CCDC18: variants seen among roughly 807,000 people sequenced by gnomAD.
CCDC18 encodes coiled-coil domain-containing protein 18.
Under a neutral mutation model 196.0 loss-of-function variants are expected in CCDC18, and 157 were observed. The observed-to-expected ratio is 0.80, with a 90% CI of 0.70 to 0.91. CCDC18 has a LOEUF of 0.91. Ranked by LOEUF, CCDC18 falls within the 40% of genes least tolerant of loss-of-function variation. The pLI, the probability that CCDC18 is intolerant of heterozygous loss-of-function variation, is 0.00. For missense variants in CCDC18, 1,465 were observed against 1,611.6 expected (o/e 0.91, Z 1.56); for synonymous variants, 482 against 529.2 (o/e 0.91, Z 1.22).
Position 93,253,838 on chromosome 1 carries a change from G to GC in CCDC18, c.3199-631dup, listed in dbSNP as rs533962194. 1.3e-3 allele frequency among the ~76,000 whole-genome samples: 199 copies of GC among 152,274 alleles called. 2 individuals are homozygous for GC. Among genetic ancestry groups the GC allele is most frequent in the African/African-American group, 4.6e-3 (192 of 41,566 alleles). ...ACCCAGAAGCAAGCTTGGCATATCA[G>GC]CCACCTGGGTTTCTGTCTGTGCTCT... On this transcript the variant is annotated intron_variant, in intron 23 of 28. Transcript: ENST00000690025.
At chr1:93,258,146 C>T (rs1663278583) in intron 25 of CCDC18, among the ~76,000 whole-genome samples, 1 of 151,016 alleles carries the variant, frequency 6.6e-6, no homozygotes, top group African/African-American at 2.4e-5. Context: ...TGTAAGTGAA[C>T]CATGTTATAT....
intron 27 of CCDC18, among the ~76,000 whole-genome samples, chr1:93,269,164 A>G (rs1230061021): frequency 6.6e-6 from 1 of 151,706 alleles, no homozygotes; most frequent in Non-Finnish European, 1.5e-5. Context: ...TCCTGAGCAA[A>G]CTATTGCAAG....
intron 18 of CCDC18, 34 bp from the exon 19 acceptor site, chr1:93,236,214 A>T: frequency 6.5e-7 from 1 of 1,530,256 alleles, no homozygotes; most frequent in Non-Finnish European, 8.8e-7. Flanking sequence ...TTTTCTTCTG[A>T]ATTTAAAATG....
chr1:93,271,860 C>G (rs995536057), intron 28 of CCDC18, among the ~76,000 whole-genome samples: 1 of 152,084 alleles, frequency 6.6e-6, no homozygotes, highest in Non-Finnish European at 1.5e-5. Context: ...ACTGTCCATT[C>G]CCCCTTTTGA....
intron 19 of CCDC18, among the ~76,000 whole-genome samples, chr1:93,238,749 C>T (rs577115388): frequency 1.4e-4 from 21 of 152,184 alleles, no homozygotes; most frequent in African/African-American, 4.3e-4. Context: ...TAAACCTGGC[C>T]CTATCACTAT....
At chr1:93,199,899 A>G (rs1171531152) in intron 6 of CCDC18, 1 of 152,666 alleles carries the variant, frequency 6.6e-6, no homozygotes, top group Non-Finnish European at 1.5e-5. Flanking sequence ...CAGCCCCAGT[A>G]TGAGCATCTA....
chr1:93,278,397 G>A, intron 28 of CCDC18, 66 bp from the exon 29 acceptor site: 1 of 628,892 alleles, frequency 1.6e-6, no homozygotes, highest in Non-Finnish European at 2.6e-6. Context: ...TATTATGGTA[G>A]ACTTTTAATG....
Position 93,246,865 on chromosome 1 carries a change from G to A in CCDC18, c.3109G>A (p.Glu1037Lys), listed in dbSNP as rs1661558635. Residue 1037 changes from glutamate to lysine, a missense_variant, in exon 23 of 29, where the codon GAG (glutamate) becomes AAG (lysine). Glu to Lys is a moderately conservative substitution (Grantham distance 56). Coordinates refer to ENST00000690025, the MANE Select transcript of CCDC18 (RefSeq NM_001378204.1). ...QVTHLDMTIR[E>K]HRGEMEQKII... ...TACACATTTGGATATGACTATTCGT[G>A]AGCACAGAGGAGAAATGGAACAAAA... 6.5e-7 allele frequency: 1 copy of A among 1,538,620 alleles called. No individual in the cohort carries two copies. Among genetic ancestry groups the A allele is most frequent in the Non-Finnish European group, 8.9e-7 (1 of 1,123,182 alleles).
chr1:93,190,953 C>T (rs1651657270), intron 4 of CCDC18: 2 of 890,612 alleles, frequency 2.2e-6, no homozygotes, highest in East Asian at 5.3e-5. Context: ...GACACTTTCC[C>T]TGGGCATACA....
chr1:93,188,912 A>G (rs1330565736), intron 4 of CCDC18, among the ~76,000 whole-genome samples: 1 of 152,222 alleles, frequency 6.6e-6, no homozygotes, highest in Non-Finnish European at 1.5e-5. Flanking sequence ...ATCATGCAGC[A>G]TAATAATCGC....
At chr1:93,214,499 G>C (rs1243025516) in intron 11 of CCDC18, among the ~76,000 whole-genome samples, 2 of 152,156 alleles carry the variant, frequency 1.3e-5, no homozygotes, top group Non-Finnish European at 2.9e-5. Context: ...CTGGTACAAA[G>C]GAATAGTCTT....
chr1:93,258,708 A>ATT, intron 25 of CCDC18, 40 bp from the exon 26 acceptor site: 1 of 1,472,186 alleles, frequency 6.8e-7, no homozygotes, highest in Non-Finnish European at 9.0e-7. Flanking sequence ...TAACCAAATA[A>ATT]ACAAGTTTTA....
At chr1:93,196,051 G>A (rs1035930289) in intron 6 of CCDC18, among the ~76,000 whole-genome samples, 1 of 152,058 alleles carries the variant, frequency 6.6e-6, no homozygotes, top group South Asian at 2.1e-4. Context: ...GACTGGATGC[G>A]GAGGCTAACA....
chr1:93,230,329 T>TA (rs879658636), intron 17 of CCDC18, among the ~76,000 whole-genome samples: 1,547 of 144,342 alleles, frequency 0.011, 24 homozygotes, highest in African/African-American at 0.035. Context: ...CTATTAAAAT[T>TA]AAAAAAAAAA....
intron 24 of CCDC18, among the ~76,000 whole-genome samples, chr1:93,255,790 A>AGAG (rs1662881774): frequency 2.1e-5 from 3 of 145,644 alleles, no homozygotes; most frequent in South Asian, 4.8e-4. Context: ...AAGAGGAAGA[A>AGAG]GAAGGAGGGG....
chr1:93,260,522 A>G (rs1356160761), intron 26 of CCDC18, among the ~76,000 whole-genome samples: 1 of 152,204 alleles, frequency 6.6e-6, no homozygotes, highest in Non-Finnish European at 1.5e-5. Flanking sequence ...TTTAAAATAT[A>G]TATGTTGTTT....
In CCDC18 at chr1:93,182,470, T is replaced by C. The variant is rs72715397; in HGVS notation, c.-2-890T>C. Among the ~76,000 whole-genome samples the C allele has an allele frequency of 9.6e-3, 1,460 of 152,290 alleles. 26 individuals are homozygous for C. The highest frequency in any genetic ancestry group is 0.011 in the Non-Finnish European group (762 of 68,022). On this transcript the variant is annotated intron_variant, in intron 1 of 28. Coordinates refer to ENST00000690025, the MANE Select transcript of CCDC18 (RefSeq NM_001378204.1). ...CTAAGAAGGGCGTTGAAGGAGATGC[T>C]ACAGTGAAAAAGGTAAATGGGATCT...
intron 21 of CCDC18, among the ~76,000 whole-genome samples, chr1:93,242,909 C>T (rs1661009980): frequency 6.6e-6 from 1 of 152,256 alleles, no homozygotes; most frequent in South Asian, 2.1e-4. Context: ...TTGGTCTTGG[C>T]AGCTCCACCC....
intron 6 of CCDC18, among the ~76,000 whole-genome samples, chr1:93,197,563 G>C (rs1203868232): frequency 6.6e-6 from 1 of 151,178 alleles, no homozygotes; most frequent in Admixed American, 6.6e-5. Flanking sequence ...TAGCTATTAG[G>C]GTTATCAAAT....
Sources: gnomAD v4.1 joint callset for allele counts (sites outside exome capture counted in the v4.1 genomes callset) on GRCh38, gnomAD v4.1.1 for gene constraint, MANE v1.5 for transcripts, NCBI Gene and HGNC (gene_info 2026-07-23, HGNC 2026-07-21) for gene names.